CDC25A: variants seen among roughly 807,000 people sequenced by gnomAD.
CDC25A encodes the protein cell division cycle 25A, also known as M-phase inducer phosphatase 1.
Under a neutral mutation model 64.6 loss-of-function variants are expected in CDC25A, and 17 were observed. The ratio of observed to expected loss-of-function variants is 0.26; its 90% CI spans 0.18 to 0.39. The LOEUF is 0.39. CDC25A is among the 10% of genes least tolerant of loss of function. The probability of loss-of-function intolerance (pLI) is 1.00; values close to 1 mark genes in which losing one functional copy is unlikely to be tolerated. For missense variants in CDC25A, 473 were observed against 654.8 expected, an observed-to-expected ratio of 0.72 and a Z score of 3.03; for synonymous variants, 229 against 238.6, an observed-to-expected ratio of 0.96 and a Z score of 0.37.
At chr3:48,181,205 C>A (rs2032655030) in intron 5 of CDC25A, among the ~76,000 whole-genome samples, 1 of 151,560 alleles carries the variant, frequency 6.6e-6, no homozygotes, top group Non-Finnish European at 1.5e-5. Context: ...TGTTTCAGGG[C>A]TTCATATTTT....
At position 48,165,529 on chromosome 3, in the gene CDC25A, T is replaced by G. The variant is rs2031979410; in HGVS notation, c.1191+107A>C. The G allele has an allele frequency of 3.4e-5, 25 of 727,050 alleles. No individual in the cohort carries two copies. In the South Asian group the frequency reaches 4.3e-4, roughly 12 times the overall value. The allele number at this position is 727,050 out of a possible 1,614,324, so 45.0% of individuals were successfully genotyped here. A position where few individuals can be genotyped will look rare whatever the true frequency, so the allele number is the denominator to read the frequency against. ...CACTCACTGTATTGTTTCAAAATTC[T>G]AACAACTAGCATATGAGCTAAGTGG... On this transcript the variant is annotated intron_variant, in intron 12 of 14. Transcript: ENST00000302506.
rs1049054720 is a variant in CDC25A at position 48,159,286 on chromosome 3, C to T, written c.1434+58G>A. 1.3e-5 allele frequency: 18 copies of T among 1,363,558 alleles called. No individual in the cohort carries two copies. The African/African-American group carries it at 1.6e-4, about 12-fold the overall frequency. 84.5% of individuals were successfully genotyped at this position (1,363,558 alleles called of 1,614,324 possible). ...GAAAGTCATGACCACCAGACAGATC[C>T]ATTAGTCTACCACTGGGGGCAGGGG... is the stretch of plus-strand genomic sequence containing the variant. On this transcript the variant is annotated intron_variant, in intron 14 of 14. Coordinates refer to ENST00000302506, the MANE Select transcript of CDC25A (RefSeq NM_001789.3).
chr3:48,167,463 C>T (rs556647608), intron 10 of CDC25A, among the ~76,000 whole-genome samples: 3 of 152,254 alleles, frequency 2.0e-5, no homozygotes, highest in Non-Finnish European at 4.4e-5. Flanking sequence ...AGTCTCAATC[C>T]CAGACCTTCT....
chr3:48,159,883 CCT>C (rs1256034308), intron 13 of CDC25A, among the ~76,000 whole-genome samples: 1 of 152,158 alleles, frequency 6.6e-6, no homozygotes, highest in Non-Finnish European at 1.5e-5. Flanking sequence ...GCCTCGGGGC[CCT>C]GTTTCTATCC....
intron 13 of CDC25A, among the ~76,000 whole-genome samples, chr3:48,162,674 T>C (rs1022177922): frequency 7.9e-5 from 12 of 151,458 alleles, no homozygotes; most frequent in African/African-American, 2.7e-4. Flanking sequence ...GGTGAAACCC[T>C]GTCTCTACTA....
At chr3:48,184,428 T>C (rs1484961923) in intron 3 of CDC25A, among the ~76,000 whole-genome samples, 1 of 151,958 alleles carries the variant, frequency 6.6e-6, no homozygotes, top group Non-Finnish European at 1.5e-5. Flanking sequence ...GAGTAAGGGT[T>C]TGGGTAAGAC....
chr3:48,180,691 G>T, intron 6 of CDC25A, 30 bp downstream of exon 6: 1 of 1,609,454 alleles, frequency 6.2e-7, no homozygotes, highest in Non-Finnish European at 8.5e-7. Flanking sequence ...TTCCTGTCAG[G>T]AATTCCCCTA....
chr3:48,165,230 G>A (rs3731547), intron 12 of CDC25A, among the ~76,000 whole-genome samples: 149,127 of 152,120 alleles, frequency 0.98, 73,173 homozygotes, highest in East Asian at 1. Flanking sequence ...GGCATCACTA[G>A]GCCTGGCACA....
chr3:48,174,699 C>T, intron 8 of CDC25A: 1 of 333,374 alleles, frequency 3.0e-6, no homozygotes, highest in Non-Finnish European at 5.4e-6. Context: ...GCAAAACGTC[C>T]TTTGCCCTCA....
intron 5 of CDC25A, chr3:48,181,469 T>C (rs1031539704): frequency 9.9e-6 from 7 of 704,516 alleles, no homozygotes; most frequent in African/African-American, 5.4e-5. Context: ...AAAGCAGTAA[T>C]GGCTAGCACT....
intron 10 of CDC25A, among the ~76,000 whole-genome samples, chr3:48,167,020 C>T (rs147125066): frequency 7.9e-5 from 12 of 152,282 alleles, no homozygotes; most frequent in East Asian, 3.9e-4. Context: ...GAAATATCAA[C>T]GGCCCAACCC....
intron 8 of CDC25A, 127 bp from the exon 9 acceptor site, chr3:48,174,584 C>A (rs929879367): frequency 3.5e-6 from 3 of 859,328 alleles, no homozygotes; most frequent in Non-Finnish European, 5.3e-6. Flanking sequence ...ACAGACACTG[C>A]CGATTCATCT....
intron 10 of CDC25A, 102 bp from the exon 11 acceptor site, chr3:48,165,995 AC>A (rs1218480048): frequency 3.9e-5 from 33 of 840,844 alleles, no homozygotes; most frequent in Non-Finnish European, 6.5e-5. Flanking sequence ...TAAAAAACAA[AC>A]ATTAATGGCC....
chr3:48,178,096 TA>T, intron 6 of CDC25A, 108 bp from the exon 7 acceptor site: 1 of 1,118,536 alleles, frequency 8.9e-7, no homozygotes, highest in Non-Finnish European at 1.3e-6. Context: ...ATACTTGTTA[TA>T]CAAAGCAAAA....
chr3:48,162,746 G>A (rs1204443072), intron 13 of CDC25A, among the ~76,000 whole-genome samples: 2 of 152,056 alleles, frequency 1.3e-5, no homozygotes, highest in African/African-American at 4.8e-5. Flanking sequence ...TACTCGGGAG[G>A]CTGAGGCAGG....
chr3:48,185,288 G>C (rs1276380969), intron 2 of CDC25A, among the ~76,000 whole-genome samples: 1 of 151,970 alleles, frequency 6.6e-6, no homozygotes. Context: ...GGTGGCACGT[G>C]TCTGTAGTCC....
chr3:48,178,436 A>G (rs1287169138), intron 6 of CDC25A, among the ~76,000 whole-genome samples: 3 of 152,220 alleles, frequency 2.0e-5, no homozygotes, highest in Admixed American at 6.5e-5. Context: ...ACAGGGGGGA[A>G]TAAAGGGTAA....
At position 48,165,759 on chromosome 3, in the gene CDC25A, T is replaced by A. The variant is rs765119232; in HGVS notation, c.1093-25A>T. 2.5e-6 allele frequency: 4 copies of A among 1,603,126 alleles called. No homozygotes were observed. The South Asian group carries it at 4.4e-5, about 18-fold the overall frequency. On this transcript the variant is annotated intron_variant, in intron 11 of 14. Coordinates refer to ENST00000302506, the MANE Select transcript of CDC25A (RefSeq NM_001789.3). ...TCTGTTGAGAGAAAATTAGGGAGAA[T>A]CAACTTTGACCGTCAGGGAAAACTA...
At chr3:48,161,855 G>T (rs749940354) in intron 13 of CDC25A, among the ~76,000 whole-genome samples, 1 of 152,148 alleles carries the variant, frequency 6.6e-6, no homozygotes, top group South Asian at 2.1e-4. Context: ...GAGGTCAGGA[G>T]TTCGAGACCA....
Sources: allele counts gnomAD v4.1 joint callset (sites outside exome capture counted in the v4.1 genomes callset), GRCh38; gene constraint gnomAD v4.1.1; transcripts MANE v1.5; gene names NCBI Gene and HGNC (gene_info 2026-07-23, HGNC 2026-07-21).